Variants in QTRT2 observed in about 807,000 individuals in gnomAD.
The protein encoded by QTRT2 is queuine tRNA-ribosyltransferase domain containing 1.
A neutral mutation model predicts 44.8 loss-of-function variants in QTRT2; 32 were observed. The ratio of observed to expected loss-of-function variants is 0.71; its 90% confidence interval spans 0.54 to 0.96. QTRT2 has a LOEUF of 0.96. Among genes scored for constraint, QTRT2 ranks in the 40% least tolerant of loss-of-function variants. QTRT2 has a pLI of 0.00. For missense variants in QTRT2, 461 were observed against 503.1 expected (o/e 0.92, Z 0.80); for synonymous variants, 182 against 187.4 (o/e 0.97, Z 0.24).
At chr3:114,062,828 T>G (rs1004592565) in intron 2 of QTRT2, among the ~76,000 whole-genome samples, 7 of 152,220 alleles carry the variant, frequency 4.6e-5, no homozygotes, top group Admixed American at 2.6e-4. Context: ...ACGTATTAGT[T>G]TTACCCAATG....
chr3:114,075,661 G>A (rs903317003), intron 6 of QTRT2, among the ~76,000 whole-genome samples: 4 of 151,396 alleles, frequency 2.6e-5, no homozygotes, highest in African/African-American at 4.9e-5. Flanking sequence ...GGTGCATGCT[G>A]CCACACCCGG....
intron 9 of QTRT2, 58 bp from the exon 10 acceptor site, chr3:114,085,614 AG>A: frequency 1.5e-6 from 2 of 1,367,338 alleles, no homozygotes; most frequent in Non-Finnish European, 2.1e-6. Context: ...TAGATAGCTG[AG>A]GTTGTGGATT....
intron 6 of QTRT2, among the ~76,000 whole-genome samples, chr3:114,073,835 T>C (rs1339667598): frequency 6.6e-6 from 1 of 152,190 alleles, no homozygotes; most frequent in Non-Finnish European, 1.5e-5. Context: ...GTTTCCCGAA[T>C]AGTCATGCTA....
intron 5 of QTRT2, 57 bp downstream of exon 5, chr3:114,068,120 G>C (rs1015054154): frequency 7.2e-6 from 10 of 1,381,658 alleles, no homozygotes; most frequent in Non-Finnish European, 1.0e-5. Context: ...GTCAGCCTAT[G>C]GTGTATCCCT....
intron 9 of QTRT2, 195 bp downstream of exon 9, chr3:114,082,989 G>A (rs755178970): frequency 1.8e-6 from 1 of 555,204 alleles, no homozygotes; most frequent in South Asian, 1.7e-5. Context: ...CGTCTTGTCA[G>A]AAGACTGGAG....
intron 1 of QTRT2, 24 bp downstream of exon 1, chr3:114,056,888 G>A (rs1475504874): frequency 1.7e-5 from 26 of 1,535,390 alleles, no homozygotes; most frequent in Non-Finnish European, 2.3e-5. Context: ...TGCCCTGCTG[G>A]TGTGGGAGCT....
In QTRT2 at chr3:114,076,829, G is replaced by A. The variant is rs1283429247; in HGVS notation, c.633G>A (p.Lys211=). The change falls in exon 7 of 10, where the codon AAG becomes AAA. Residue 211 remains lysine, a synonymous_variant. Coordinates refer to ENST00000281273, the MANE Select transcript of QTRT2 (RefSeq NM_024638.4). Reference sequence around the variant, plus strand: ...TGAGGTCAGCACGAGAGACAGCCAAGCGGCCTGTGGGTGGCTTCCTTCTGG... The same window carrying A: ...TGAGGTCAGCACGAGAGACAGCCAAACGGCCTGTGGGTGGCTTCCTTCTGG... ...ERLRSARETA[K]RPVGGFLLDG... is the part of the protein sequence containing the mutation. 1.9e-6 allele frequency: 3 copies of A among 1,614,120 alleles called. No homozygotes were observed. The highest frequency in any genetic ancestry group is 2.5e-6 in the Non-Finnish European group (3 of 1,180,044).
chr3:114,067,457 G>A (rs2076969358), intron 4 of QTRT2, among the ~76,000 whole-genome samples: 1 of 152,054 alleles, frequency 6.6e-6, no homozygotes, highest in Admixed American at 6.6e-5. Flanking sequence ...TTTGACTGAA[G>A]AACTTAAGAA....
chr3:114,075,644 G>A (rs894780259), intron 6 of QTRT2, among the ~76,000 whole-genome samples: 2 of 151,826 alleles, frequency 1.3e-5, no homozygotes, highest in Admixed American at 1.3e-4. Context: ...GAGTAACTGG[G>A]ACTACAGGTG....
At chr3:114,081,564 A>G (rs1435746030) in intron 8 of QTRT2, among the ~76,000 whole-genome samples, 1 of 152,128 alleles carries the variant, frequency 6.6e-6, no homozygotes, top group African/African-American at 2.4e-5. Context: ...CAGCCTCCCG[A>G]GTAGCTGGGA....
intron 8 of QTRT2, among the ~76,000 whole-genome samples, chr3:114,082,217 C>CACACACACACAT (rs1395844303): frequency 1.8e-5 from 2 of 111,224 alleles, no homozygotes; most frequent in African/African-American, 7.2e-5. Context: ...CACACACACA[C>CACACACACACAT]ACACACACAC....
intron 7 of QTRT2, 178 bp downstream of exon 7, chr3:114,077,120 TGTCCTGGCC>T (rs1306742996): frequency 5.8e-5 from 35 of 607,094 alleles, no homozygotes; most frequent in Non-Finnish European, 8.4e-5. Flanking sequence ...CCATCAAGGC[TGTCCTGGCC>T]TTGATTTCAG....
rs1260354446 is a variant in QTRT2 at position 114,070,716 on chromosome 3, C to T, written c.424C>T (p.Gln142Ter). The T allele has an allele frequency of 2.5e-6, 4 of 1,614,086 alleles. No homozygotes were observed. The highest frequency in any genetic ancestry group is 3.4e-6 in the Non-Finnish European group (4 of 1,179,960). Residue 142 changes from glutamine (Q) to a stop codon, truncating the protein, a stop_gained, in exon 6 of 10, where the codon CAG becomes TAG. Coordinates refer to ENST00000281273, the MANE Select transcript of QTRT2 (RefSeq NM_024638.4). LOFTEE classifies it high-confidence loss of function. ...GAAGGCCCTTCAGCCAGACTGGTTC[C>T]AGTGCCTCTCCGATGGAGAAGTATC... ...IQKALQPDWF[Q>*]CLSDGEVSCK...
At chr3:114,078,280 TAC>T (rs1197172769) in intron 7 of QTRT2, 1 of 152,212 alleles carries the variant, frequency 6.6e-6, no homozygotes, top group African/African-American at 2.4e-5. Flanking sequence ...AGATGTCTGT[TAC>T]TGAATTTGAA....
chr3:114,073,074 A>G (rs1043859585), intron 6 of QTRT2, among the ~76,000 whole-genome samples: 2 of 152,378 alleles, frequency 1.3e-5, no homozygotes, highest in East Asian at 3.8e-4. Context: ...GTTAATATAA[A>G]TGAAATAATT....
intron 7 of QTRT2, chr3:114,079,490 T>A (rs1577543920): frequency 6.2e-6 from 1 of 160,890 alleles, no homozygotes; most frequent in Non-Finnish European, 1.4e-5. Context: ...GTGAGTCGAG[T>A]TTGCGCCATT....
chr3:114,066,557 A>G (rs1262463283), intron 4 of QTRT2: 2 of 394,508 alleles, frequency 5.1e-6, no homozygotes, highest in South Asian at 3.2e-5. Flanking sequence ...TATGGATATC[A>G]TGACAGGCCA....
intron 7 of QTRT2, 185 bp from the exon 8 acceptor site, chr3:114,079,720 CA>C (rs1039196853): frequency 4.2e-6 from 2 of 478,798 alleles, no homozygotes; most frequent in Non-Finnish European, 7.5e-6. Flanking sequence ...ATTCAAGCCC[CA>C]GTTTTTCTGG....
chr3:114,061,555 ATCTCTTTTCTT>A (rs931615684), intron 2 of QTRT2, among the ~76,000 whole-genome samples: 5 of 151,984 alleles, frequency 3.3e-5, no homozygotes, highest in Non-Finnish European at 7.4e-5. Context: ...GCTTTCTTTT[ATCTCTTTTCTT>A]TCTCTTTCTT....
Sources: gnomAD v4.1 joint callset for allele counts (sites outside exome capture counted in the v4.1 genomes callset) on GRCh38, gnomAD v4.1.1 for gene constraint, MANE v1.5 for transcripts, NCBI Gene and HGNC (gene_info 2026-07-23, HGNC 2026-07-21) for gene names.